GPC5: variants seen among roughly 807,000 people sequenced by gnomAD.
The protein encoded by GPC5 is glypican 5.
In GPC5, 47 loss-of-function variants were observed where a neutral mutation model predicts 53.9. That is an observed-to-expected ratio of 0.87 (90% confidence interval 0.69 to 1.11). The LOEUF is 1.11. GPC5 is among the 50% of genes most tolerant of loss of function. GPC5 has a pLI of 0.00. For missense variants in GPC5, 748 were observed against 713.1 expected (o/e 1.05, Z -0.56); for synonymous variants, 286 against 263.3 (o/e 1.09, Z -0.84).
At chr13:92,168,309 A>T (rs2139017439) in intron 7 of GPC5, among the ~76,000 whole-genome samples, 1 of 152,342 alleles carries the variant, frequency 6.6e-6, no homozygotes, top group Admixed American at 6.5e-5. Flanking sequence ...CATCAAAAGC[A>T]ATTGCAACAA....
At chr13:92,289,950 C>T (rs1219050258) in intron 7 of GPC5, among the ~76,000 whole-genome samples, 2 of 152,066 alleles carry the variant, frequency 1.3e-5, no homozygotes, top group Non-Finnish European at 2.9e-5. Flanking sequence ...TTATACCAAA[C>T]CTTATATTCC....
intron 7 of GPC5, among the ~76,000 whole-genome samples, chr13:92,268,297 T>C (rs1434317594): frequency 2.6e-5 from 4 of 152,000 alleles, no homozygotes; most frequent in African/African-American, 9.7e-5. Context: ...TTGACATATA[T>C]AAAGTACAAA....
At chr13:92,402,568 G>A (rs959278563) in intron 7 of GPC5, among the ~76,000 whole-genome samples, 2 of 152,164 alleles carry the variant, frequency 1.3e-5, no homozygotes, top group Admixed American at 6.5e-5. Flanking sequence ...TTGGGGGATG[G>A]TTTCAGGATG....
intron 7 of GPC5, among the ~76,000 whole-genome samples, chr13:92,390,908 T>A (rs1874972376): frequency 6.6e-6 from 1 of 152,186 alleles, no homozygotes; most frequent in Non-Finnish European, 1.5e-5. Context: ...ACTGGTCACA[T>A]AATCAATGTG....
chr13:91,903,710 T>C (rs1451218195), intron 5 of GPC5, among the ~76,000 whole-genome samples: 1 of 152,164 alleles, frequency 6.6e-6, no homozygotes, highest in Non-Finnish European at 1.5e-5. Context: ...GACTCTGAAA[T>C]ATTCAATAAT....
chr13:92,517,669 A>G (rs1241076163), intron 7 of GPC5, among the ~76,000 whole-genome samples: 1 of 152,000 alleles, frequency 6.6e-6, no homozygotes, highest in Non-Finnish European at 1.5e-5. Flanking sequence ...CCACACCAAA[A>G]CCCCATCTGT....
intron 7 of GPC5, among the ~76,000 whole-genome samples, chr13:92,684,620 C>A (rs1365994573): frequency 1.3e-5 from 2 of 152,114 alleles, no homozygotes; most frequent in Non-Finnish European, 2.9e-5. Context: ...ATGGCTACAC[C>A]ATAGAGTGTT....
At chr13:91,562,740 A>G (rs1260525691) in intron 2 of GPC5, among the ~76,000 whole-genome samples, 1 of 149,410 alleles carries the variant, frequency 6.7e-6, no homozygotes, top group Non-Finnish European at 1.5e-5. Flanking sequence ...TTTCTTATGT[A>G]TCTTGCTAGT....
chr13:92,537,668 T>C (rs1364155429), intron 7 of GPC5, among the ~76,000 whole-genome samples: 1 of 152,114 alleles, frequency 6.6e-6, no homozygotes. Context: ...GCAACATCTT[T>C]GGTAATGAAT....
intron 6 of GPC5, among the ~76,000 whole-genome samples, chr13:91,953,555 T>C (rs1003784530): frequency 2.6e-5 from 4 of 152,200 alleles, no homozygotes; most frequent in African/African-American, 9.6e-5. Context: ...AAAGGGTACA[T>C]TGCTAATAAT....
At chr13:91,540,899 A>G (rs925652636) in intron 2 of GPC5, among the ~76,000 whole-genome samples, 1 of 152,096 alleles carries the variant, frequency 6.6e-6, no homozygotes, top group Non-Finnish European at 1.5e-5. Flanking sequence ...GAAAAAAAAA[A>G]CAGTGGCCAC....
intron 6 of GPC5, among the ~76,000 whole-genome samples, chr13:92,072,583 T>A (rs764962612): frequency 0.11 from 16,607 of 148,646 alleles, 1,193 homozygotes; most frequent in Admixed American, 0.18. Context: ...TTTTTTTTTT[T>A]TTTTTTTTTA....
At chr13:92,404,005 A>G (rs756922731) in intron 7 of GPC5, among the ~76,000 whole-genome samples, 2 of 152,178 alleles carry the variant, frequency 1.3e-5, no homozygotes, top group African/African-American at 2.4e-5. Flanking sequence ...AGTTAGCAGT[A>G]TTGTATTACA....
At chr13:92,685,254 A>G (rs1392586780) in intron 7 of GPC5, among the ~76,000 whole-genome samples, 1 of 151,962 alleles carries the variant, frequency 6.6e-6, no homozygotes, top group Non-Finnish European at 1.5e-5. Flanking sequence ...CACCATGCCC[A>G]GCTGATTTTT....
intron 7 of GPC5, among the ~76,000 whole-genome samples, chr13:92,553,318 G>T (rs536223039): frequency 6.6e-6 from 1 of 151,840 alleles, no homozygotes; most frequent in Admixed American, 6.6e-5. Context: ...CTGTTCCATT[G>T]CCTATGCCAT....
At chr13:92,572,831 AG>A (rs1035193912) in intron 7 of GPC5, among the ~76,000 whole-genome samples, 10 of 152,196 alleles carry the variant, frequency 6.6e-5, no homozygotes, top group Non-Finnish European at 1.3e-4. Context: ...CCATTTTACT[AG>A]GGGGATTGCA....
intron 7 of GPC5, among the ~76,000 whole-genome samples, chr13:92,397,279 G>GA (rs1257196028): frequency 6.6e-5 from 10 of 152,122 alleles, no homozygotes; most frequent in Non-Finnish European, 1.0e-4. Context: ...GCTGGGGGGG[G>GA]TTCCCCCATA....
chr13:92,138,535 A>G (rs1483463201), intron 6 of GPC5, among the ~76,000 whole-genome samples: 2 of 150,796 alleles, frequency 1.3e-5, no homozygotes, highest in African/African-American at 2.4e-5. Context: ...AATAAAAAAT[A>G]AAAAATAAAA....
At chr13:92,522,107 G>T (rs1881077867) in intron 7 of GPC5, among the ~76,000 whole-genome samples, 1 of 152,148 alleles carries the variant, frequency 6.6e-6, no homozygotes, top group African/African-American at 2.4e-5. Flanking sequence ...TCGTTAAAAA[G>T]TCAGGAAACA....
Sources: allele counts gnomAD v4.1 joint callset (sites outside exome capture counted in the v4.1 genomes callset), GRCh38; gene constraint gnomAD v4.1.1; transcripts MANE v1.5; gene names NCBI Gene and HGNC (gene_info 2026-07-23, HGNC 2026-07-21).